Variants in FAM78B observed in about 807,000 individuals in gnomAD.
The protein encoded by FAM78B is family with sequence similarity 78 member B, also known as protein FAM78B.
In FAM78B, 10 loss-of-function variants were observed where a neutral mutation model predicts 20.0. The ratio of observed to expected loss-of-function variants is 0.50; its 90% confidence interval spans 0.31 to 0.85. The LOEUF (loss-of-function observed/expected upper bound fraction) is 0.85. Among genes scored for constraint, FAM78B ranks in the 40% least tolerant of loss-of-function variants. The probability of loss-of-function intolerance (pLI) is 0.05; values close to 1 mark genes in which losing one functional copy is unlikely to be tolerated. For missense variants in FAM78B, 283 were observed against 345.0 expected (o/e 0.82, Z 1.42); for synonymous variants, 135 against 132.8 (o/e 1.02, Z -0.12).
intron 1 of FAM78B, among the ~76,000 whole-genome samples, chr1:166,125,735 A>G (rs936824205): frequency 7.2e-5 from 11 of 152,108 alleles, no homozygotes; most frequent in Admixed American, 3.9e-4. Context: ...TCATCTCTAC[A>G]TTACCTATAA....
At chr1:166,064,346 A>G (rs1234993875), downstream of FAM78B, among the ~76,000 whole-genome samples, 2 of 152,124 alleles carry the variant, frequency 1.3e-5, no homozygotes, top group African/African-American at 2.4e-5. Context: ...ATATATATAT[A>G]TTTTCCTCTG....
chr1:166,074,809 C>T (rs1188646887), intron 1 of FAM78B, among the ~76,000 whole-genome samples: 5 of 152,228 alleles, frequency 3.3e-5, no homozygotes, highest in Non-Finnish European at 5.9e-5. Flanking sequence ...TTAGTGACTA[C>T]TCGTGCCATC....
Position 166,109,846 on chromosome 1 carries a change from A to ATG in FAM78B, c.264-39084_264-39083insCA, listed in dbSNP as rs1208226609. 2.6e-3 allele frequency among the ~76,000 whole-genome samples: 68 copies of ATG among 25,836 alleles called. 9 individuals carry two copies. The highest frequency in any genetic ancestry group is 4.9e-3 in the East Asian group (2 of 410). 16.9% of individuals were successfully genotyped at this position (25,836 alleles called of 152,430 possible). A position where few individuals can be genotyped will look rare whatever the true frequency, so the allele number is the denominator to read the frequency against. On this transcript the variant is annotated intron_variant, in intron 1 of 1. Transcript: ENST00000354422. ...TATATATATATGTATATATGTATAT[A>ATG]TATATATATATATATGTATGTGTAT... is the stretch of plus-strand genomic sequence containing the variant.
intron 1 of FAM78B, among the ~76,000 whole-genome samples, chr1:166,138,391 T>C (rs1237675865): frequency 6.6e-6 from 1 of 151,968 alleles, no homozygotes; most frequent in Non-Finnish European, 1.5e-5. Context: ...AAGCAACCCC[T>C]CCACCCAGAC....
intron 1 of FAM78B, among the ~76,000 whole-genome samples, chr1:166,078,897 G>A (rs1652446687): frequency 6.6e-6 from 1 of 151,522 alleles, no homozygotes; most frequent in Non-Finnish European, 1.5e-5. Context: ...CTTAGACCCA[G>A]GTGAGAGGAG....
intron 1 of FAM78B, among the ~76,000 whole-genome samples, chr1:166,072,073 A>C (rs1460222057): frequency 6.6e-6 from 1 of 152,262 alleles, no homozygotes; most frequent in African/African-American, 2.4e-5. Context: ...GCTAAGAGGC[A>C]GTGGTCTTCT....
At chr1:166,112,256 G>A (rs1306847504) in intron 1 of FAM78B, among the ~76,000 whole-genome samples, 1 of 152,196 alleles carries the variant, frequency 6.6e-6, no homozygotes, top group Non-Finnish European at 1.5e-5. Context: ...TGGATTGACA[G>A]ACACAAAACA....
chr1:166,119,931 T>C (rs1024216857), intron 1 of FAM78B, among the ~76,000 whole-genome samples: 1 of 152,234 alleles, frequency 6.6e-6, no homozygotes, highest in African/African-American at 2.4e-5. Context: ...AAGCTAAGCA[T>C]GAAAGAGAAG....
downstream of FAM78B, among the ~76,000 whole-genome samples, chr1:166,065,458 G>A (rs1375502718): frequency 6.6e-6 from 1 of 152,132 alleles, no homozygotes; most frequent in Non-Finnish European, 1.5e-5. Flanking sequence ...TAACAACAAT[G>A]ACAGATCAGG....
At chr1:166,107,705 A>T (rs1048578446) in intron 1 of FAM78B, among the ~76,000 whole-genome samples, 3 of 152,136 alleles carry the variant, frequency 2.0e-5, no homozygotes, top group African/African-American at 7.2e-5. Flanking sequence ...AAAACTACAG[A>T]CTGAATATCC....
intron 1 of FAM78B, among the ~76,000 whole-genome samples, chr1:166,094,025 G>C (rs982797338): frequency 2.7e-5 from 4 of 150,808 alleles, no homozygotes; most frequent in Non-Finnish European, 5.9e-5. Flanking sequence ...GTGTGTGTGT[G>C]TGTGTGTGTG....
intron 1 of FAM78B, among the ~76,000 whole-genome samples, chr1:166,075,592 T>A (rs987424678): frequency 6.6e-6 from 1 of 152,258 alleles, no homozygotes; most frequent in Non-Finnish European, 1.5e-5. Context: ...TGTCTTTGCA[T>A]CCTTTGTCTG....
At chr1:166,143,610 G>A (rs957888190) in intron 1 of FAM78B, among the ~76,000 whole-genome samples, 1 of 152,118 alleles carries the variant, frequency 6.6e-6, no homozygotes, top group Non-Finnish European at 1.5e-5. Context: ...TCGGGCTGTG[G>A]TGCAGAGGAC....
chr1:166,082,964 T>C (rs1310620030), intron 1 of FAM78B, among the ~76,000 whole-genome samples: 1 of 152,088 alleles, frequency 6.6e-6, no homozygotes, highest in Non-Finnish European at 1.5e-5. Flanking sequence ...ATGTAGGGGC[T>C]GGGTGGTGGC....
chr1:166,118,593 T>C (rs1254508180), intron 1 of FAM78B, among the ~76,000 whole-genome samples: 2 of 152,130 alleles, frequency 1.3e-5, no homozygotes, highest in Non-Finnish European at 2.9e-5. Flanking sequence ...CTCATTCATT[T>C]ATATATTCTC....
downstream of FAM78B, among the ~76,000 whole-genome samples, chr1:166,056,733 C>T (rs867173065): frequency 9.2e-5 from 14 of 152,240 alleles, no homozygotes; most frequent in East Asian, 3.9e-4. Flanking sequence ...AATGGTAGTA[C>T]GAAAGAGATG....
downstream of FAM78B, among the ~76,000 whole-genome samples, chr1:166,065,744 T>A (rs565806836): frequency 1.3e-5 from 2 of 152,220 alleles, no homozygotes; most frequent in South Asian, 4.2e-4. Flanking sequence ...CCAGATGTAC[T>A]CAAGATCTCA....
intron 1 of FAM78B, among the ~76,000 whole-genome samples, chr1:166,116,244 G>C (rs1453082359): frequency 6.6e-6 from 1 of 152,170 alleles, no homozygotes; most frequent in Non-Finnish European, 1.5e-5. Flanking sequence ...ACTCCTGTTG[G>C]CTTCTGGGCT....
At chr1:166,138,620 T>C (rs1655163443) in intron 1 of FAM78B, among the ~76,000 whole-genome samples, 1 of 152,178 alleles carries the variant, frequency 6.6e-6, no homozygotes, top group East Asian at 1.9e-4. Flanking sequence ...GGTCATTTAG[T>C]CTAAGCAGCC....
Sources: allele counts gnomAD v4.1 joint callset (sites outside exome capture counted in the v4.1 genomes callset), GRCh38; gene constraint gnomAD v4.1.1; transcripts MANE v1.5; gene names NCBI Gene and HGNC (gene_info 2026-07-23, HGNC 2026-07-21).